RYR2: variants seen among roughly 807,000 people sequenced by gnomAD.
RYR2 encodes cardiac muscle ryanodine receptor-calcium release channel.
Under a neutral mutation model 601.1 loss-of-function variants are expected in RYR2, and 227 were observed. That is an observed-to-expected ratio of 0.38 (90% CI 0.34 to 0.42). The LOEUF is 0.42. Ranked by LOEUF, RYR2 falls within the 10% of genes least tolerant of loss-of-function variation. The probability of loss-of-function intolerance (pLI) is 1.00; values close to 1 mark genes in which losing one functional copy is unlikely to be tolerated. For synonymous variants in RYR2, 2,223 were observed against 2,175.1 expected (o/e 1.02, Z -0.61); for missense variants, 4,646 against 6,156.5 (o/e 0.75, Z 8.21).
At chr1:237,607,447 G>A (rs1229656675) in intron 35 of RYR2, among the ~76,000 whole-genome samples, 1 of 147,704 alleles carries the variant, frequency 6.8e-6, no homozygotes, top group Non-Finnish European at 1.5e-5. Flanking sequence ...GGGAGGGAGG[G>A]ATAGCATTAG....
chr1:237,796,315 C>T (rs1659218349), intron 96 of RYR2, among the ~76,000 whole-genome samples: 1 of 152,038 alleles, frequency 6.6e-6, no homozygotes, highest in African/African-American at 2.4e-5. Flanking sequence ...TATCTGTAGT[C>T]AAATAAATAG....
chr1:237,502,551 G>A (rs1664766471), intron 21 of RYR2, among the ~76,000 whole-genome samples: 1 of 152,012 alleles, frequency 6.6e-6, no homozygotes. Context: ...GCCTTAGTTC[G>A]ATTCTCATAG....
chr1:237,729,114 A>G (rs1247913109), intron 76 of RYR2, among the ~76,000 whole-genome samples: 1 of 151,980 alleles, frequency 6.6e-6, no homozygotes, highest in African/African-American at 2.4e-5. Context: ...CTTGCCTCAT[A>G]TCAAGTTGAT....
chr1:237,182,299 T>A (rs1678859282), intron 1 of RYR2, among the ~76,000 whole-genome samples: 1 of 152,040 alleles, frequency 6.6e-6, no homozygotes, highest in Admixed American at 6.5e-5. Flanking sequence ...TTTTTGTATT[T>A]TTAGTAGAGA....
At chr1:237,616,868 G>C (rs1328616806) in intron 37 of RYR2, among the ~76,000 whole-genome samples, 1 of 152,162 alleles carries the variant, frequency 6.6e-6, no homozygotes, top group African/African-American at 2.4e-5. Context: ...ATCTTACATG[G>C]TGGCAGGCAA....
chr1:237,614,093 T>C lies in RYR2; in HGVS notation c.4965T>C (p.Tyr1655=). The change falls in exon 37 of 105, where the codon TAT becomes TAC. Residue 1655 remains tyrosine (Y), a synonymous_variant. Coordinates refer to ENST00000366574, the MANE Select transcript of RYR2 (RefSeq NM_001035.3). This position sits in a 1 kb window ranked among gnomAD's most constrained non-coding sequence, Gnocchi z 4.3. The part of the protein sequence containing the change: ...TEQEELLKFH[Y]HTLRLYSAVC... ...AGGAGGAATTGCTGAAATTTCACTA[T>C]CACACTCTCCGGCTCTACTCAGCCG... 2 of 1,614,036 alleles carry C rather than the reference T, an allele frequency of 1.2e-6. No individual in the cohort carries two copies. The highest frequency in any genetic ancestry group is 2.7e-5 in the African/African-American group (2 of 75,074).
At position 237,707,036 on chromosome 1, in the gene RYR2, A is replaced by G. The variant is rs1270449145; in HGVS notation, c.9668A>G (p.Glu3223Gly). ...ATGGAAGAAATCGTGGAATTAGCCG[A>G]GTCCGGCATTCGCTACACTCAAATG... ...KLMEEIVELAESGIRYTQMPH... is the reference protein window; with the variant it reads ...KLMEEIVELAGSGIRYTQMPH... Residue 3223 changes from glutamate to glycine, a missense_variant, in exon 68 of 105, where the codon GAG becomes GGG. By Grantham distance (98) the Glu-to-Gly change is moderately conservative (BLOSUM62 -2). This residue lies in a region of RYR2 where 1,497 missense variants were observed against 1,842.6 expected (regional missense o/e 0.81). Transcript: ENST00000366574. 1 of 1,613,910 alleles carries G rather than the reference A, an allele frequency of 6.2e-7. No homozygotes were observed. Among genetic ancestry groups the G allele is most frequent in the Non-Finnish European group, 8.5e-7 (1 of 1,179,816 alleles).
intron 92 of RYR2, 150 bp from the exon 93 acceptor site, chr1:237,791,279 C>T: frequency 1.7e-6 from 1 of 601,708 alleles, no homozygotes; most frequent in African/African-American, 1.9e-5. Context: ...TTCTCCCTCA[C>T]TTTTAGGTCT....
chr1:237,457,197 G>C (rs1032087256), intron 16 of RYR2, among the ~76,000 whole-genome samples: 2 of 152,058 alleles, frequency 1.3e-5, no homozygotes, highest in Admixed American at 1.3e-4. Flanking sequence ...AGTTAGTTCC[G>C]CAAGGGTCCC....
chr1:237,114,605 C>G (rs892232427), intron 1 of RYR2, among the ~76,000 whole-genome samples: 8 of 152,204 alleles, frequency 5.3e-5, no homozygotes, highest in Non-Finnish European at 1.2e-4. Flanking sequence ...TTTTAGAAAT[C>G]ATACTCTTGA....
chr1:237,094,149 G>T (rs1667259782), intron 1 of RYR2, among the ~76,000 whole-genome samples: 1 of 152,226 alleles, frequency 6.6e-6, no homozygotes, highest in Non-Finnish European at 1.5e-5. Context: ...ACAGATAGAG[G>T]TGTTCCTGGA....
chr1:237,806,330 C>T (rs780618958), intron 99 of RYR2, 47 bp downstream of exon 99: 5 of 1,539,064 alleles, frequency 3.2e-6, no homozygotes, highest in Admixed American at 2.0e-5. Context: ...AAAAAAGCAA[C>T]AAATAAAACA....
intron 1 of RYR2, among the ~76,000 whole-genome samples, chr1:237,177,449 T>A (rs978196667): frequency 6.6e-6 from 1 of 152,214 alleles, no homozygotes; most frequent in Admixed American, 6.5e-5. Flanking sequence ...ATTCCTATCC[T>A]GAATTCTAAG....
chr1:237,828,525 T>TGAATGTGGGAAGGAGGAGG, intron 102 of RYR2, 80 bp downstream of exon 102: 1 of 930,006 alleles, frequency 1.1e-6, no homozygotes, highest in Non-Finnish European at 1.6e-6. Flanking sequence ...AATAGAATCA[T>TGAATGTGGGAAGGAGGAGG]GAATGTGGGA....
At chr1:237,599,547 G>T (rs143357914) in intron 34 of RYR2, among the ~76,000 whole-genome samples, 4 of 152,046 alleles carry the variant, frequency 2.6e-5, no homozygotes, top group Non-Finnish European at 5.9e-5. Context: ...TCGGCTGGGC[G>T]CAGTGACTCA....
chr1:237,356,182 G>A (rs565046867), intron 4 of RYR2, among the ~76,000 whole-genome samples, 197 bp downstream of exon 4: 7 of 151,818 alleles, frequency 4.6e-5, no homozygotes, highest in South Asian at 2.1e-4. Flanking sequence ...TCTGAAATGG[G>A]GCATATTAAA....
At chr1:237,762,415 T>G (rs963609773) in intron 84 of RYR2, among the ~76,000 whole-genome samples, 1 of 152,196 alleles carries the variant, frequency 6.6e-6, no homozygotes, top group Non-Finnish European at 1.5e-5. Flanking sequence ...TTTCTAAAAA[T>G]GAATGAAGTC....
At chr1:237,149,214 T>C (rs1463145111) in intron 1 of RYR2, among the ~76,000 whole-genome samples, 1 of 152,214 alleles carries the variant, frequency 6.6e-6, no homozygotes, top group East Asian at 1.9e-4. Context: ...TATGCCTATC[T>C]ATATCCTTGA....
chr1:237,442,861 G>T (rs1240076662), intron 13 of RYR2, among the ~76,000 whole-genome samples: 2 of 152,108 alleles, frequency 1.3e-5, no homozygotes, highest in Non-Finnish European at 2.9e-5. Context: ...TTTGGTATTT[G>T]TATATAACTC....
Sources: allele counts gnomAD v4.1 joint callset (sites outside exome capture counted in the v4.1 genomes callset), GRCh38; gene constraint gnomAD v4.1.1; regional missense constraint gnomAD v4.1.1; non-coding constraint Gnocchi (gnomAD v3.1); transcripts MANE v1.5; gene names NCBI Gene and HGNC (gene_info 2026-07-23, HGNC 2026-07-21).